The following ERFE variants were observed in gnomAD, a reference collection of about 807,000 sequenced individuals.
The protein encoded by ERFE is complement C1q tumor necrosis factor-related protein 15.
ERFE carries 25 observed loss-of-function variants against 26.6 expected under a neutral mutation model. The ratio of observed to expected loss-of-function variants is 0.94; its 90% confidence interval spans 0.69 to 1.31. The LOEUF (loss-of-function observed/expected upper bound fraction) is 1.31, where lower values mean the gene tolerates loss of function less well. Among genes scored for constraint, ERFE ranks in the 40% most tolerant of loss-of-function variants. The pLI is 0.00. For synonymous variants in ERFE, 206 were observed against 204.5 expected (o/e 1.01, Z -0.06); for missense variants, 447 against 440.2 (o/e 1.02, Z -0.14).
intron 3 of ERFE, among the ~76,000 whole-genome samples, chr2:238,163,119 G>C (rs962403314): frequency 6.6e-6 from 1 of 152,210 alleles, no homozygotes; most frequent in Non-Finnish European, 1.5e-5. Flanking sequence ...TCAGTATGGC[G>C]GGTGCTCAGG....
chr2:238,161,651 G>A lies in ERFE; in HGVS notation c.256G>A (p.Val86Ile), dbSNP rs759359871. ...CCCCCGGGACGCCTGGATGCTCTTCGTCAGGCAGAGTGACAAGGGTGTCAA... is the reference window on the plus strand; with the variant it reads ...CCCCCGGGACGCCTGGATGCTCTTCATCAGGCAGAGTGACAAGGGTGTCAA... ...VDPRDAWMLF[V>I]RQSDKGVNGK... Residue 86 changes from valine (V) to isoleucine (I), a missense_variant, in exon 2 of 8, where the codon GTC becomes ATC. Physicochemically the swap from Val to Ile is conservative, Grantham distance 29. Coordinates refer to ENST00000546354, the MANE Select transcript of ERFE (RefSeq NM_001291832.2). 1.6e-5 allele frequency: 25 copies of A among 1,548,114 alleles called. No homozygotes were observed. The highest frequency in any genetic ancestry group is 5.5e-5 in the African/African-American group (4 of 73,026).
intron 2 of ERFE, 140 bp from the exon 3 acceptor site, chr2:238,162,596 C>T (rs1692955169): frequency 3.0e-6 from 2 of 676,100 alleles, no homozygotes; most frequent in African/African-American, 3.6e-5. Flanking sequence ...GAAGCTTTCA[C>T]TGAGGTAGAT....
rs1159691559 is a variant in ERFE at position 238,164,406 on chromosome 2, T to C, written c.887+46T>C. ...ACCCCACACCCGCATTCGCTCGGCC[T>C]CCACAAGCTGGAGGTGGTTAAACAG... On this transcript the variant is annotated intron_variant, in intron 6 of 7. Transcript: ENST00000546354. 8 of 1,522,324 alleles carry C rather than the reference T, an allele frequency of 5.3e-6. No homozygotes were observed. The Admixed American group carries it at 7.9e-5, about 15-fold the overall frequency. The allele number at this position is 1,522,324 out of a possible 1,614,324, so 94.3% of individuals were successfully genotyped here.
chr2:238,167,792 T>A lies in ERFE; in HGVS notation c.*738T>A. 3.8e-6 allele frequency: 1 copy of A among 265,876 alleles called. No homozygotes were observed. The highest frequency in any genetic ancestry group is 7.5e-6 in the Non-Finnish European group (1 of 134,154). 16.5% of individuals were successfully genotyped at this position (265,876 alleles called of 1,614,324 possible). Reference sequence around the variant, plus strand: ...CCAAATGGGAGCTCCACTCTTCCCCTCCTCTGCAAATCTTCACAGCCAAGG... The same window carrying A: ...CCAAATGGGAGCTCCACTCTTCCCCACCTCTGCAAATCTTCACAGCCAAGG... On this transcript the variant is annotated 3_prime_UTR_variant, in exon 8 of 8. Coordinates refer to ENST00000546354, the MANE Select transcript of ERFE (RefSeq NM_001291832.2).
At chr2:238,165,063 C>T (rs959638760) in intron 6 of ERFE, among the ~76,000 whole-genome samples, 4 of 152,134 alleles carry the variant, frequency 2.6e-5, no homozygotes, top group Admixed American at 2.0e-4. Flanking sequence ...CAGTCGCCCT[C>T]CCACTCCTCA....
intron 7 of ERFE, 25 bp downstream of exon 7, chr2:238,165,709 G>A (rs747974971): frequency 4.8e-5 from 74 of 1,542,020 alleles, no homozygotes; most frequent in South Asian, 1.1e-4. Flanking sequence ...CTTGGGCATC[G>A]AGGGGCACCG....
chr2:238,166,575 G>C (rs1199664008), intron 7 of ERFE, among the ~76,000 whole-genome samples: 1 of 152,234 alleles, frequency 6.6e-6, no homozygotes, highest in African/African-American at 2.4e-5. Flanking sequence ...CTAGAGTGCT[G>C]GTTTCACGGA....
At chr2:238,159,948 G>A (rs1036004709) in intron 1 of ERFE, among the ~76,000 whole-genome samples, 2 of 152,154 alleles carry the variant, frequency 1.3e-5, no homozygotes, top group South Asian at 2.1e-4. Flanking sequence ...AGCCAGGAAC[G>A]CATCTACTAG....
Position 238,164,262 on chromosome 2 carries a change from C to G in ERFE, c.797-8C>G. On this transcript the variant is annotated splice_region_variant and splice_polypyrimidine_tract_variant and intron_variant, in intron 5 of 7. Coordinates refer to ENST00000546354, the MANE Select transcript of ERFE (RefSeq NM_001291832.2). Reference sequence around the variant, plus strand: ...GCCCGCTTGACCACGTCCCACCCTCCCCCGCAGCGCTCGGGGAGCCGCCGA... The same window carrying G: ...GCCCGCTTGACCACGTCCCACCCTCGCCCGCAGCGCTCGGGGAGCCGCCGA... The G allele has an allele frequency of 6.7e-7, 1 of 1,501,474 alleles. No individual in the cohort carries two copies. The highest frequency in any genetic ancestry group is 8.8e-7 in the Non-Finnish European group (1 of 1,132,302). The allele number at this position is 1,501,474 out of a possible 1,614,324, so 93.0% of individuals were successfully genotyped here.
rs554017903 is a variant in ERFE, at chr2:238,161,204, G to A, written c.199-390G>A. On this transcript the variant is annotated intron_variant, in intron 1 of 7. Transcript: ENST00000546354. ...TGCTTCTTCCTGAGCACCTATGGGT[G>A]CTCCAGTGGTCGGATCCTCCTGGTG... 3.3e-5 allele frequency among the ~76,000 whole-genome samples: 5 copies of A among 152,328 alleles called. No individual in the cohort carries two copies. The East Asian group carries it at 9.7e-4, about 29-fold the overall frequency.
At position 238,164,122 on chromosome 2, in the gene ERFE, C is replaced by T. The variant is rs912122207; in HGVS notation, c.735C>T (p.Thr245=). 2.7e-6 allele frequency: 4 copies of T among 1,457,082 alleles called. No individual in the cohort carries two copies. Among genetic ancestry groups the T allele is most frequent in the Non-Finnish European group, 3.6e-6 (4 of 1,108,550 alleles). 90.3% of individuals were successfully genotyped at this position (1,457,082 alleles called of 1,614,324 possible). Reference sequence around the variant, plus strand: ...GCCGCGGCCCGGGCCTGAACTTGACCAGCGGCCAGTACAGGGCGCCCGTGG... The same window carrying T: ...GCCGCGGCCCGGGCCTGAACTTGACTAGCGGCCAGTACAGGGCGCCCGTGG... ...AFRRGPGLNL[T]SGQYRAPVAG... Residue 245 remains threonine, a synonymous_variant, in exon 5 of 8, where the codon ACC becomes ACT. Transcript: ENST00000546354.
At chr2:238,161,381 T>G (rs1692936299) in intron 1 of ERFE, among the ~76,000 whole-genome samples, 1 of 152,162 alleles carries the variant, frequency 6.6e-6, no homozygotes, top group South Asian at 2.1e-4. Context: ...GGCCGAGGTG[T>G]GGCCCGTTCC....
intron 1 of ERFE, among the ~76,000 whole-genome samples, chr2:238,159,863 G>T (rs1446300890): frequency 6.6e-6 from 1 of 152,222 alleles, no homozygotes; most frequent in Non-Finnish European, 1.5e-5. Context: ...CAGGGAGACA[G>T]GGCTGCCCCA....
rs1394102067 is a variant in ERFE, at chr2:238,164,374, G to A, written c.887+14G>A. On this transcript the variant is annotated intron_variant, in intron 6 of 7. Transcript: ENST00000546354. Reference sequence around the variant, plus strand: ...CCAGCGCAACGCGTGAGTGTACCCCGGCCCGGACCCCACACCCGCATTCGC... The same window carrying A: ...CCAGCGCAACGCGTGAGTGTACCCCAGCCCGGACCCCACACCCGCATTCGC... The A allele has an allele frequency of 3.2e-6, 5 of 1,542,492 alleles. No homozygotes were observed. Among genetic ancestry groups the A allele is most frequent in the African/African-American group, 1.4e-5 (1 of 72,662 alleles).
chr2:238,164,248 C>T (rs1692994049), intron 5 of ERFE, 22 bp from the exon 6 acceptor site: 2 of 1,461,292 alleles, frequency 1.4e-6, no homozygotes, highest in Non-Finnish European at 9.0e-7. Flanking sequence ...CCCGCTTGAC[C>T]ACGTCCCACC....
chr2:238,164,978 C>T (rs1365621065), intron 6 of ERFE, among the ~76,000 whole-genome samples: 1 of 152,188 alleles, frequency 6.6e-6, no homozygotes, highest in African/African-American at 2.4e-5. Flanking sequence ...ACCTCAGGGA[C>T]TTTCATCTTG....
chr2:238,165,658 T>A lies in ERFE; in HGVS notation c.940T>A (p.Ser314Thr). The A allele has an allele frequency of 8.4e-6, 13 of 1,549,660 alleles. No individual in the cohort carries two copies. Among genetic ancestry groups the A allele is most frequent in the Non-Finnish European group, 1.1e-5 (13 of 1,146,244 alleles). Residue 314 changes from serine (S) to threonine (T), a missense_variant, in exon 7 of 8, where the codon TCT becomes ACT. Ser to Thr is a moderately conservative substitution (Grantham distance 58, BLOSUM62 1). Coordinates refer to ENST00000546354, the MANE Select transcript of ERFE (RefSeq NM_001291832.2). ...LESSSELFTI[S>T]VNGVLYLQMG... ...GAGCAGCAGTGAGCTCTTCACCATC[T>A]CTGTGAATGGCGTCCTGTACCTGCA...
chr2:238,165,382 T>C (rs993155911), intron 6 of ERFE, among the ~76,000 whole-genome samples: 9 of 152,262 alleles, frequency 5.9e-5, no homozygotes, highest in Admixed American at 6.5e-5. Context: ...TTGCTGCCTC[T>C]TGCTGGGCCC....
At chr2:238,161,530 TGTCCC>T in intron 1 of ERFE, 59 bp from the exon 2 acceptor site, 2 of 1,468,134 alleles carry the variant, frequency 1.4e-6, no homozygotes, top group Admixed American at 4.3e-5. Flanking sequence ...TCCTGCAAAG[TGTCCC>T]ACCTGCTTGG....
Sources: gnomAD v4.1 joint callset for allele counts (sites outside exome capture counted in the v4.1 genomes callset) on GRCh38, gnomAD v4.1.1 for gene constraint, MANE v1.5 for transcripts, NCBI Gene and HGNC (gene_info 2026-07-23, HGNC 2026-07-21) for gene names.